SNX29: variants seen among roughly 807,000 people sequenced by gnomAD.
SNX29 encodes sorting nexin-29.
A neutral mutation model predicts 102.1 loss-of-function variants in SNX29; 78 were observed. The ratio of observed to expected loss-of-function variants is 0.76; its 90% CI spans 0.64 to 0.92. The LOEUF is 0.92. Among genes scored for constraint, SNX29 ranks in the 40% least tolerant of loss-of-function variants. The probability of loss-of-function intolerance (pLI) is 0.00; values close to 1 mark genes in which losing one functional copy is unlikely to be tolerated. For missense variants in SNX29, 1,280 were observed against 1,061.7 expected, an observed-to-expected ratio of 1.21 and a Z score of -2.86; for synonymous variants, 580 against 414.5, an observed-to-expected ratio of 1.40 and a Z score of -4.85.
chr16:12,022,160 ACAATTCAGTGATTTTTTTTTTT>A (rs567971344), intron 3 of SNX29, among the ~76,000 whole-genome samples: 89 of 144,532 alleles, frequency 6.2e-4, no homozygotes, highest in African/African-American at 2.1e-3. Flanking sequence ...TTGTAAGTAT[ACAATTCAGTGATTTTTTTTTTT>A]CAATTCAGTG....
chr16:12,528,731 G>C, intron 20 of SNX29, among the ~76,000 whole-genome samples: 1 of 152,222 alleles, frequency 6.6e-6, no homozygotes, highest in Middle Eastern at 3.4e-3. Context: ...CTGCTCCCAC[G>C]GCCCCTCCAT....
chr16:12,174,236 A>T (rs575017814), intron 13 of SNX29, among the ~76,000 whole-genome samples: 17 of 152,306 alleles, frequency 1.1e-4, no homozygotes, highest in Non-Finnish European at 2.2e-4. Context: ...CTCCTGGGAC[A>T]TGTAGCTAGA....
chr16:12,192,816 C>G (rs536152470), intron 13 of SNX29, among the ~76,000 whole-genome samples: 21 of 152,322 alleles, frequency 1.4e-4, no homozygotes, highest in Non-Finnish European at 2.6e-4. Flanking sequence ...AGTTTTCCTG[C>G]CTCAGCTCCC....
chr16:12,279,690 T>C (rs1019884183), intron 15 of SNX29, among the ~76,000 whole-genome samples: 1 of 152,216 alleles, frequency 6.6e-6, no homozygotes, highest in South Asian at 2.1e-4. Flanking sequence ...GGTAGGACTG[T>C]GTCTTTGCCA....
chr16:11,983,647 C>T, intron 1 of SNX29: 1 of 985,414 alleles, frequency 1.0e-6, no homozygotes, highest in Non-Finnish European at 1.2e-6. Context: ...CCTCTGCTAG[C>T]AACTGGCGAT....
At chr16:12,138,084 C>T (rs1476375098) in intron 13 of SNX29, among the ~76,000 whole-genome samples, 1 of 152,106 alleles carries the variant, frequency 6.6e-6, no homozygotes, top group Non-Finnish European at 1.5e-5. Flanking sequence ...GGTAGCAAGC[C>T]TGCCAAGAAT....
At chr16:12,565,849 G>A (rs75279114) in intron 20 of SNX29, among the ~76,000 whole-genome samples, 1,769 of 152,096 alleles carry the variant, frequency 0.012, 32 homozygotes, top group African/African-American at 0.038. Flanking sequence ...TGCCTCCTCC[G>A]GGAAGCCCTC....
chr16:12,506,361 G>A (rs745920207), intron 19 of SNX29, among the ~76,000 whole-genome samples: 4 of 152,206 alleles, frequency 2.6e-5, no homozygotes, highest in Non-Finnish European at 5.9e-5. Context: ...ACTGGAGGGC[G>A]GAGTACTCTG....
chr16:12,403,158 C>G (rs1478998137), intron 17 of SNX29, among the ~76,000 whole-genome samples: 1 of 150,700 alleles, frequency 6.6e-6, no homozygotes, highest in African/African-American at 2.5e-5. Flanking sequence ...TCCATAAGAA[C>G]TGAAGGGAGC....
At chr16:12,539,168 C>A (rs148646131) in intron 20 of SNX29, among the ~76,000 whole-genome samples, 1 of 152,166 alleles carries the variant, frequency 6.6e-6, no homozygotes, top group Non-Finnish European at 1.5e-5. Flanking sequence ...TTGTTCATGT[C>A]TGTGAATTTA....
At chr16:12,564,674 A>G (rs994752552) in intron 20 of SNX29, among the ~76,000 whole-genome samples, 1 of 152,070 alleles carries the variant, frequency 6.6e-6, no homozygotes, top group African/African-American at 2.4e-5. Context: ...TCTTGTCCAC[A>G]CATTCCTCTG....
At chr16:12,466,561 C>T (rs1201363470) in intron 18 of SNX29, among the ~76,000 whole-genome samples, 1 of 152,224 alleles carries the variant, frequency 6.6e-6, no homozygotes, top group Non-Finnish European at 1.5e-5. Flanking sequence ...GGCCTGTCTT[C>T]AGAGCGTCTT....
chr16:12,228,997 C>T (rs1267765367), intron 14 of SNX29, among the ~76,000 whole-genome samples: 2 of 152,248 alleles, frequency 1.3e-5, no homozygotes, highest in Non-Finnish European at 1.5e-5. Context: ...CTCCCCCACT[C>T]CCAAATGCCT....
intron 11 of SNX29, among the ~76,000 whole-genome samples, 166 bp downstream of exon 11, chr16:12,079,081 C>T (rs1335516227): frequency 1.3e-5 from 2 of 152,322 alleles, no homozygotes; most frequent in East Asian, 1.9e-4. Context: ...TATCCAGAAC[C>T]GTGGTTAATG....
At chr16:12,143,258 A>G (rs1407872255) in intron 13 of SNX29, among the ~76,000 whole-genome samples, 1 of 152,102 alleles carries the variant, frequency 6.6e-6, no homozygotes, top group Non-Finnish European at 1.5e-5. Flanking sequence ...CGGCCTCCCA[A>G]AGTGCTGGGA....
At chr16:12,120,623 C>T (rs145773259) in intron 11 of SNX29, among the ~76,000 whole-genome samples, 12 of 152,218 alleles carry the variant, frequency 7.9e-5, no homozygotes, top group African/African-American at 2.6e-4. Flanking sequence ...CCTCCGAGGC[C>T]GTAATCATTT....
intron 15 of SNX29, among the ~76,000 whole-genome samples, chr16:12,345,438 C>G (rs1054771816): frequency 6.6e-5 from 10 of 152,200 alleles, no homozygotes; most frequent in African/African-American, 2.4e-4. Flanking sequence ...GCTTATGGCT[C>G]TGGGGGGACC....
intron 19 of SNX29, among the ~76,000 whole-genome samples, chr16:12,495,165 T>C (rs28671355): frequency 0.014 from 2,082 of 152,258 alleles, 59 homozygotes; most frequent in East Asian, 0.1. Flanking sequence ...TTTTCTTTTT[T>C]CTTTTTTTTG....
Position 12,279,573 on chromosome 16 carries a change from C to A in SNX29, c.1782+1537C>A, listed in dbSNP as rs567102680. 1.6e-4 allele frequency among the ~76,000 whole-genome samples: 25 copies of A among 152,286 alleles called. No homozygotes were observed. The South Asian group carries it at 3.5e-3, about 21-fold the overall frequency. ...ACTCAGACTTGGCTGGTGGCAGTGC[C>A]AGGGTTCTGGGCCATGAGTCTGTGC... On this transcript the variant is annotated intron_variant, in intron 15 of 20. Transcript: ENST00000566228.
Sources: gnomAD v4.1 joint callset for allele counts (sites outside exome capture counted in the v4.1 genomes callset) on GRCh38, gnomAD v4.1.1 for gene constraint, MANE v1.5 for transcripts, NCBI Gene and HGNC (gene_info 2026-07-23, HGNC 2026-07-21) for gene names.